The following UBR3 variants were observed in gnomAD, a reference collection of about 807,000 sequenced individuals.
UBR3 encodes E3 ubiquitin-protein ligase UBR3.
A neutral mutation model predicts 243.2 loss-of-function variants in UBR3; 85 were observed. That is an observed-to-expected ratio of 0.35 (90% CI 0.29 to 0.42). The LOEUF (loss-of-function observed/expected upper bound fraction) is 0.42. Ranked by LOEUF, UBR3 falls within the 10% of genes least tolerant of loss-of-function variation. The probability of loss-of-function intolerance (pLI) is 1.00; values close to 1 mark genes in which losing one functional copy is unlikely to be tolerated. For missense variants in UBR3, 1,686 were observed against 2,300.8 expected (o/e 0.73, Z 5.47); for synonymous variants, 748 against 799.8 (o/e 0.94, Z 1.09).
rs577838877 is a variant in UBR3, at chr2:169,835,993, GTCTCTCTCTCTCTCTCTCTCTC to G, written c.545+7971_545+7992del. ...TTTTCCTGAAATTCCTGTGTGCACT[GTCTCTCTCTCTCTCTCTCTCTC>G]TCTCTCTCTCTCTCTCTCTCTCTCT... On this transcript the variant is annotated intron_variant, in intron 1 of 38. Coordinates refer to ENST00000272793, the MANE Select transcript of UBR3 (RefSeq NM_172070.4). Among the ~76,000 whole-genome samples the G allele has an allele frequency of 5.6e-3, 171 of 30,706 alleles. 6 individuals are homozygous for G. Among genetic ancestry groups the G allele is most frequent in the South Asian group, 0.013 (9 of 708 alleles). The allele number at this position is 30,706 out of a possible 152,430, so 20.1% of individuals were successfully genotyped here. A position where few individuals can be genotyped will look rare whatever the true frequency, so the allele number is the denominator to read the frequency against.
At chr2:169,964,283 G>T (rs1318516128) in intron 24 of UBR3, 21 of 374,982 alleles carry the variant, frequency 5.6e-5, no homozygotes, top group South Asian at 4.5e-4. Context: ...CTAGTCTGAT[G>T]TACAGTTTTA....
intron 11 of UBR3, among the ~76,000 whole-genome samples, chr2:169,914,867 T>A (rs2354238): frequency 1.4e-5 from 2 of 146,606 alleles, no homozygotes; most frequent in African/African-American, 5.2e-5. Flanking sequence ...TGTGTGTGTG[T>A]GTGTGTTTTT....
chr2:170,025,966 G>T (rs2090518200), intron 30 of UBR3, among the ~76,000 whole-genome samples: 1 of 152,124 alleles, frequency 6.6e-6, no homozygotes, highest in East Asian at 1.9e-4. Flanking sequence ...TGATTTTGAG[G>T]TGCCTGTTGA....
At chr2:169,906,902 A>G (rs2085031352) in intron 10 of UBR3, among the ~76,000 whole-genome samples, 1 of 152,142 alleles carries the variant, frequency 6.6e-6, no homozygotes. Flanking sequence ...GTTATTGTGA[A>G]GCTGTCTTCC....
intron 38 of UBR3, 92 bp downstream of exon 38, chr2:170,080,776 T>G: frequency 7.3e-7 from 1 of 1,371,858 alleles, no homozygotes; most frequent in Non-Finnish European, 9.8e-7. Context: ...TACAATTTTT[T>G]TAATATTAAG....
At chr2:169,868,108 G>A (rs1262592208) in intron 1 of UBR3, among the ~76,000 whole-genome samples, 1 of 152,118 alleles carries the variant, frequency 6.6e-6, no homozygotes, top group African/African-American at 2.4e-5. Context: ...TTAAACATCA[G>A]AAGAGAGTAC....
At chr2:169,830,494 A>G (rs2081897554) in intron 1 of UBR3, among the ~76,000 whole-genome samples, 3 of 152,182 alleles carry the variant, frequency 2.0e-5, no homozygotes, top group Admixed American at 2.0e-4. Flanking sequence ...CAGAAGAGGA[A>G]AGTAGGGCAG....
At chr2:169,929,010 TTA>T in intron 18 of UBR3, 142 bp downstream of exon 18, 2 of 708,524 alleles carry the variant, frequency 2.8e-6, no homozygotes, top group Non-Finnish European at 4.0e-6. Flanking sequence ...ATGTATGTCT[TTA>T]TTGGTAAACA....
At chr2:170,028,662 G>A (rs926312849) in intron 30 of UBR3, among the ~76,000 whole-genome samples, 5 of 145,030 alleles carry the variant, frequency 3.4e-5, no homozygotes, top group Admixed American at 1.4e-4. Context: ...AAGAAGGGGT[G>A]CATCAGATAC....
intron 25 of UBR3, among the ~76,000 whole-genome samples, chr2:169,988,295 T>C (rs1389263324): frequency 6.6e-6 from 1 of 152,246 alleles, no homozygotes; most frequent in Non-Finnish European, 1.5e-5. Flanking sequence ...GGCACTGTTC[T>C]AGTAAGAGAC....
At position 169,927,346 on chromosome 2, in the gene UBR3, G is replaced by T. The variant is rs1016208971; in HGVS notation, c.2365G>T (p.Ala789Ser). 3.3e-5 allele frequency: 51 copies of T among 1,550,798 alleles called. No homozygotes were observed. The highest frequency in any genetic ancestry group is 4.4e-5 in the Non-Finnish European group (50 of 1,146,674). Residue 789 changes from alanine to serine, a missense_variant, in exon 17 of 39, where the codon GCC becomes TCC. Around this residue, in one of 8 missense-constraint regions of UBR3, gnomAD observed 346 missense variants for 585.8 expected, o/e 0.59. Coordinates refer to ENST00000272793, the MANE Select transcript of UBR3 (RefSeq NM_172070.4). ...AATGTCTGATGATGAGATTCTCAGG[G>T]CCGAGATGGTAGCCCAGCTGTGTAT... is the stretch of plus-strand genomic sequence containing the variant. ...LGMSDDEILR[A>S]EMVAQLCMND...
chr2:169,895,884 G>C (rs1205940024), intron 7 of UBR3, among the ~76,000 whole-genome samples: 4 of 151,974 alleles, frequency 2.6e-5, no homozygotes, highest in African/African-American at 4.8e-5. Context: ...AATAAAGCAT[G>C]CTGTTATTTT....
At chr2:170,012,673 GTT>G (rs34266638) in intron 29 of UBR3, among the ~76,000 whole-genome samples, 1 of 145,388 alleles carries the variant, frequency 6.9e-6, no homozygotes, top group Non-Finnish European at 1.5e-5. Flanking sequence ...GAAGATACTG[GTT>G]TTTTTTTTTT....
At position 169,870,016 on chromosome 2, in the gene UBR3, G is replaced by A. The variant is rs114855907; in HGVS notation, c.546-2220G>A. ...AGTTTTTTTTCTTTTGTGGCTTTTGGTTTTAAGTCTTAACTTAGGCTTTCT... is the reference window on the plus strand; with the variant it reads ...AGTTTTTTTTCTTTTGTGGCTTTTGATTTTAAGTCTTAACTTAGGCTTTCT... On this transcript the variant is annotated intron_variant, in intron 1 of 38. Transcript: ENST00000272793. 2.4e-3 allele frequency among the ~76,000 whole-genome samples: 360 copies of A among 151,916 alleles called. 1 individual carries two copies. Among genetic ancestry groups the A allele is most frequent in the African/African-American group, 8.2e-3 (340 of 41,462 alleles).
chr2:169,982,363 T>C (rs2088777896), intron 24 of UBR3, among the ~76,000 whole-genome samples: 1 of 152,084 alleles, frequency 6.6e-6, no homozygotes. Context: ...TATTTTAGTT[T>C]AAATTAATCT....
chr2:170,046,323 T>TA lies in UBR3; in HGVS notation c.4660+5339dup, dbSNP rs552101860. 2.7e-3 allele frequency among the ~76,000 whole-genome samples: 418 copies of TA among 152,304 alleles called. 1 individual carries two copies. Among genetic ancestry groups the TA allele is most frequent in the Non-Finnish European group, 4.8e-3 (327 of 68,028 alleles). On this transcript the variant is annotated intron_variant, in intron 32 of 38. Transcript: ENST00000272793. ...TGGCTTAGGATCCAAAAAAGATCCA[T>TA]ACATTGGATTTGGTTGTTATAGTTC...
At chr2:169,927,024 C>T in intron 16 of UBR3, 53 bp downstream of exon 16, 1 of 1,524,208 alleles carries the variant, frequency 6.6e-7, no homozygotes, top group Non-Finnish European at 8.9e-7. Context: ...CTCCCTTTCT[C>T]CCCCTCCCTG....
At chr2:170,058,309 T>C (rs1041828064) in intron 33 of UBR3, among the ~76,000 whole-genome samples, 4 of 152,162 alleles carry the variant, frequency 2.6e-5, no homozygotes, top group African/African-American at 9.7e-5. Context: ...CCTATGGTAG[T>C]AAAAATATCG....
intron 1 of UBR3, among the ~76,000 whole-genome samples, chr2:169,832,667 G>A (rs2081976546): frequency 6.6e-6 from 1 of 151,990 alleles, no homozygotes; most frequent in African/African-American, 2.4e-5. Context: ...GGGCGTGGTG[G>A]CTCACACCTG....
Sources: gnomAD v4.1 joint callset for allele counts (sites outside exome capture counted in the v4.1 genomes callset) on GRCh38, gnomAD v4.1.1 for gene constraint, gnomAD v4.1.1 regional missense constraint, MANE v1.5 for transcripts, NCBI Gene and HGNC (gene_info 2026-07-23, HGNC 2026-07-21) for gene names.